Variants in RHBDD2 observed in about 807,000 individuals in gnomAD.
RHBDD2 encodes the protein rhomboid domain-containing protein 2.
Under a neutral mutation model 21.7 loss-of-function variants are expected in RHBDD2, and 13 were observed. The observed-to-expected ratio is 0.60, with a 90% CI of 0.39 to 0.95. The LOEUF (loss-of-function observed/expected upper bound fraction) is 0.95, where lower values mean the gene tolerates loss of function less well. Among genes scored for constraint, RHBDD2 ranks in the 40% least tolerant of loss-of-function variants. The pLI, the probability that RHBDD2 is intolerant of heterozygous loss-of-function variation, is 0.00. For missense variants in RHBDD2, 473 were observed against 478.9 expected (o/e 0.99, Z 0.11); for synonymous variants, 225 against 220.0 (o/e 1.02, Z -0.20).
intron 2 of RHBDD2, among the ~76,000 whole-genome samples, chr7:75,883,303 G>T (rs778462239): frequency 6.6e-6 from 1 of 152,032 alleles, no homozygotes; most frequent in Admixed American, 6.6e-5. Context: ...GGCAGATCAC[G>T]AGGTCAGGAG....
In RHBDD2 at chr7:75,879,205, G is replaced by A; in HGVS notation, c.123G>A (p.Gln41=). Residue 41 remains glutamine (Q), a synonymous_variant, in exon 1 of 4, where the codon CAG becomes CAA. Transcript: ENST00000006777. ...VSGPRLFLLQ[Q]PLAPSGLTLK... ...GGCCTCGCCTGTTCCTGCTGCAGCA[G>A]CCCCTGGCGCCCTCGGGCCTCACGC... 6.6e-7 allele frequency: 1 copy of A among 1,521,038 alleles called. No individual in the cohort carries two copies. The highest frequency in any genetic ancestry group is 2.8e-5 in the East Asian group (1 of 36,290). 94.2% of individuals were successfully genotyped at this position (1,521,038 alleles called of 1,614,324 possible). A position where few individuals can be genotyped will look rare whatever the true frequency, so the allele number is the denominator to read the frequency against.
chr7:75,883,607 G>A (rs1805460467), intron 2 of RHBDD2, 91 bp from the exon 3 acceptor site: 1 of 1,150,196 alleles, frequency 8.7e-7, no homozygotes, highest in Admixed American at 2.0e-5. Context: ...GAAGGCTTCT[G>A]TAGAGTGAGT....
At chr7:75,883,539 G>C in intron 2 of RHBDD2, 159 bp from the exon 3 acceptor site, 1 of 586,870 alleles carries the variant, frequency 1.7e-6, no homozygotes, top group Non-Finnish European at 3.0e-6. Context: ...ACAAACCTTT[G>C]GCTCTGGGTT....
At chr7:75,881,229 A>G in intron 1 of RHBDD2, 3 of 655,642 alleles carry the variant, frequency 4.6e-6, no homozygotes, top group South Asian at 3.0e-5. Flanking sequence ...CATATAAAGC[A>G]TCAGTTTACC....
Position 75,879,226 on chromosome 7 carries a change from C to A in RHBDD2, c.144C>A (p.Leu48=). The stretch of plus-strand genomic sequence containing the variant: ...AGCAGCCCCTGGCGCCCTCGGGCCT[C>A]ACGCTGAAGTCCGAGGCCCTTCGCA... ...LLQQPLAPSG[L]TLKSEALRNW... Residue 48 remains leucine, a synonymous_variant, in exon 1 of 4, where the codon CTC becomes CTA. Transcript: ENST00000006777. The A allele has an allele frequency of 6.6e-7, 1 of 1,522,300 alleles. No individual in the cohort carries two copies. 94.3% of individuals were successfully genotyped at this position (1,522,300 alleles called of 1,614,324 possible). A position where few individuals can be genotyped will look rare whatever the true frequency, so the allele number is the denominator to read the frequency against.
Position 75,879,090 on chromosome 7 carries a change from C to T in RHBDD2, c.8C>T (p.Ala3Val). Residue 3 changes from alanine to valine, a missense_variant, in exon 1 of 4, where the codon GCC becomes GTC. Ala to Val is a moderately conservative substitution (Grantham distance 64). Transcript: ENST00000006777. MA[A>V]SGPGCRSWCL... ...GCGGGAACGACGGCGGCCATGGCGG[C>T]CTCGGGGCCCGGGTGTCGCAGCTGG... 1.5e-6 allele frequency: 2 copies of T among 1,361,134 alleles called. No individual in the cohort carries two copies. The highest frequency in any genetic ancestry group is 2.7e-4 in the Middle Eastern group (1 of 3,744). The allele number at this position is 1,361,134 out of a possible 1,614,324, so 84.3% of individuals were successfully genotyped here.
intron 3 of RHBDD2, among the ~76,000 whole-genome samples, chr7:75,884,816 C>T (rs1187976174): frequency 6.6e-6 from 1 of 151,996 alleles, no homozygotes; most frequent in Non-Finnish European, 1.5e-5. Context: ...ACAATAGCCT[C>T]GATAAGTGCA....
At position 75,888,243 on chromosome 7, in the gene RHBDD2, T is replaced by C; in HGVS notation, c.989T>C (p.Ile330Thr). Residue 330 changes from isoleucine to threonine, a missense_variant, in exon 4 of 4, where the codon ATC becomes ACC. Physicochemically the swap from Ile to Thr is moderately conservative, Grantham distance 89. Coordinates refer to ENST00000006777, the MANE Select transcript of RHBDD2 (RefSeq NM_001040456.3). ...GCTTCTGCGGGCACCTCCCTGGGCATCCAGCCCCCCACGCCTGTGAACAGC... is the reference window on the plus strand; with the variant it reads ...GCTTCTGCGGGCACCTCCCTGGGCACCCAGCCCCCCACGCCTGTGAACAGC... ...YPASAGTSLG[I>T]QPPTPVNSPG... is the part of the protein sequence containing the mutation. 1 of 1,613,826 alleles carries C rather than the reference T, an allele frequency of 6.2e-7. No homozygotes were observed. Among genetic ancestry groups the C allele is most frequent in the Non-Finnish European group, 8.5e-7 (1 of 1,180,020 alleles).
Position 75,879,170 on chromosome 7 carries a change from C to A in RHBDD2, c.88C>A (p.Leu30Met). 6.6e-7 allele frequency: 1 copy of A among 1,509,482 alleles called. No individual in the cohort carries two copies. The highest frequency in any genetic ancestry group is 8.9e-7 in the Non-Finnish European group (1 of 1,126,592). The allele number at this position is 1,509,482 out of a possible 1,614,324, so 93.5% of individuals were successfully genotyped here. Residue 30 changes from leucine (L) to methionine (M), a missense_variant, in exon 1 of 4, where the codon CTG (leucine) becomes ATG (methionine). Leu to Met is a conservative substitution (Grantham distance 15). Transcript: ENST00000006777. ...ATFFTALLSLLVSGPRLFLLQ... is the reference protein window; with the variant it reads ...ATFFTALLSLMVSGPRLFLLQ... The stretch of plus-strand genomic sequence containing the variant: ...CTTCTTCACTGCGCTGCTCTCGCTG[C>A]TGGTTTCCGGGCCTCGCCTGTTCCT...
intron 2 of RHBDD2, 40 bp from the exon 3 acceptor site, chr7:75,883,658 C>T (rs1554543035): frequency 1.9e-6 from 3 of 1,598,262 alleles, no homozygotes; most frequent in South Asian, 1.1e-5. Context: ...GGCCCTCCTC[C>T]CTTTGCTGCC....
intron 3 of RHBDD2, among the ~76,000 whole-genome samples, chr7:75,885,409 C>G (rs1420087318): frequency 6.6e-6 from 1 of 152,154 alleles, no homozygotes; most frequent in East Asian, 1.9e-4. Flanking sequence ...CTCCCTCCCT[C>G]TCCCCTGTTC....
chr7:75,883,837 C>T lies in RHBDD2; in HGVS notation c.726C>T (p.Ala242=), dbSNP rs1805484046. The T allele has an allele frequency of 6.2e-7, 1 of 1,612,402 alleles. No homozygotes were observed. The highest frequency in any genetic ancestry group is 8.5e-7 in the Non-Finnish European group (1 of 1,179,476). ...VSGSSAERRA[A]QSRKLNPVPG... ...GGTCTTCAGCCGAGAGGAGGGCAGCCCAGAGCCGGAAGTAAGTGACAGAAC... is the reference window on the plus strand; with the variant it reads ...GGTCTTCAGCCGAGAGGAGGGCAGCTCAGAGCCGGAAGTAAGTGACAGAAC... Residue 242 remains alanine (A), a synonymous_variant, in exon 3 of 4, where the codon GCC becomes GCT. Coordinates refer to ENST00000006777, the MANE Select transcript of RHBDD2 (RefSeq NM_001040456.3).
chr7:75,888,098 T>A lies in RHBDD2; in HGVS notation c.844T>A (p.Ser282Thr), dbSNP rs782554275. 3 of 1,613,634 alleles carry A rather than the reference T, an allele frequency of 1.9e-6. No individual in the cohort carries two copies. Among genetic ancestry groups the A allele is most frequent in the Non-Finnish European group, 2.5e-6 (3 of 1,180,038 alleles). Reference sequence around the variant, plus strand: ...GCACGCCAGTGGTCAGAAGCTGGCCTCCTGGCCCTCCTGCACCCCCGGGCA... The same window carrying A: ...GCACGCCAGTGGTCAGAAGCTGGCCACCTGGCCCTCCTGCACCCCCGGGCA... ...TQHASGQKLA[S>T]WPSCTPGHMP... The change falls in exon 4 of 4, where the codon TCC (serine) becomes ACC (threonine). Residue 282 changes from serine to threonine, a missense_variant. Coordinates refer to ENST00000006777, the MANE Select transcript of RHBDD2 (RefSeq NM_001040456.3).
rs929321378 is a variant in RHBDD2, at chr7:75,883,945, A to G, written c.737+97A>G. 4 of 989,758 alleles carry G rather than the reference A, an allele frequency of 4.0e-6. No individual in the cohort carries two copies. In the African/African-American group the frequency reaches 5.0e-5, roughly 12 times the overall value. 61.3% of individuals were successfully genotyped at this position (989,758 alleles called of 1,614,324 possible). ...AGTCTCACTCTGTCACCCAGGCTGTAGTGCAGTGGCACAATCTCGGCTCAC... is the reference window on the plus strand; with the variant it reads ...AGTCTCACTCTGTCACCCAGGCTGTGGTGCAGTGGCACAATCTCGGCTCAC... On this transcript the variant is annotated intron_variant, in intron 3 of 3. Coordinates refer to ENST00000006777, the MANE Select transcript of RHBDD2 (RefSeq NM_001040456.3).
intron 3 of RHBDD2, among the ~76,000 whole-genome samples, chr7:75,886,086 G>A (rs781830526): frequency 6.7e-6 from 1 of 150,282 alleles, no homozygotes; most frequent in Non-Finnish European, 1.5e-5. Flanking sequence ...AAGTGTATCA[G>A]AAGGCAAGGT....
chr7:75,879,590 G>A (rs1209218646), intron 1 of RHBDD2, among the ~76,000 whole-genome samples: 1 of 152,140 alleles, frequency 6.6e-6, no homozygotes, highest in Non-Finnish European at 1.5e-5. Flanking sequence ...CAAGGGTAAA[G>A]ATTTTTCGTC....
chr7:75,885,824 C>T (rs940373929), intron 3 of RHBDD2, among the ~76,000 whole-genome samples: 8 of 152,244 alleles, frequency 5.3e-5, no homozygotes, highest in East Asian at 1.9e-4. Flanking sequence ...GTGACCCAGA[C>T]GCCTCCCACT....
intron 3 of RHBDD2, 87 bp from the exon 4 acceptor site, chr7:75,887,905 T>C: frequency 8.8e-7 from 1 of 1,136,904 alleles, no homozygotes; most frequent in Admixed American, 1.9e-5. Context: ...CATGTTGTAC[T>C]AGAAAGCGGG....
At chr7:75,882,592 T>A (rs1243970254) in intron 2 of RHBDD2, among the ~76,000 whole-genome samples, 1 of 152,180 alleles carries the variant, frequency 6.6e-6, no homozygotes, top group Non-Finnish European at 1.5e-5. Context: ...CCCAAAGTGC[T>A]AGGATTACAG....
Sources: allele counts gnomAD v4.1 joint callset (sites outside exome capture counted in the v4.1 genomes callset), GRCh38; gene constraint gnomAD v4.1.1; transcripts MANE v1.5; gene names NCBI Gene and HGNC (gene_info 2026-07-23, HGNC 2026-07-21).